The following MAP3K5 variants were observed in gnomAD, a reference collection of about 807,000 sequenced individuals.
The protein encoded by MAP3K5 is ASK-1.
MAP3K5 carries 56 observed loss-of-function variants against 158.7 expected under a neutral mutation model. That is an observed-to-expected ratio of 0.35 (90% CI 0.28 to 0.44). The LOEUF (loss-of-function observed/expected upper bound fraction) is 0.44. Among genes scored for constraint, MAP3K5 ranks in the 20% least tolerant of loss-of-function variants. MAP3K5 has a pLI of 1.00. For missense variants in MAP3K5, 1,294 were observed against 1,674.8 expected, an observed-to-expected ratio of 0.77 and a Z score of 3.97; for synonymous variants, 579 against 601.7, an observed-to-expected ratio of 0.96 and a Z score of 0.55.
chr6:136,565,306 T>C (rs1009856822), intron 26 of MAP3K5, among the ~76,000 whole-genome samples: 1 of 152,378 alleles, frequency 6.6e-6, no homozygotes, highest in East Asian at 1.9e-4. Flanking sequence ...CAAAAAAGTA[T>C]GGCAGGATCT....
chr6:136,702,354 A>C lies in MAP3K5; in HGVS notation c.612+2756T>G, dbSNP rs575477094. 2.6e-5 allele frequency among the ~76,000 whole-genome samples: 4 copies of C among 152,334 alleles called. No individual in the cohort carries two copies. In the South Asian group the frequency reaches 8.3e-4, roughly 32 times the overall value. ...TTGCCCAGAAAAGCACTTTTGCAAA[A>C]TAATGAAAACTAATAGCATGGGAAC... On this transcript the variant is annotated intron_variant, in intron 3 of 29. Transcript: ENST00000359015.
intron 28 of MAP3K5, among the ~76,000 whole-genome samples, chr6:136,559,592 T>C (rs1830414303): frequency 6.6e-6 from 1 of 152,266 alleles, no homozygotes; most frequent in African/African-American, 2.4e-5. Flanking sequence ...GTACTGCCTA[T>C]GCTTAATTTC....
At chr6:136,786,937 T>C (rs1405028481) in intron 1 of MAP3K5, among the ~76,000 whole-genome samples, 2 of 151,872 alleles carry the variant, frequency 1.3e-5, no homozygotes, top group African/African-American at 4.8e-5. Flanking sequence ...CCCGAGTAGC[T>C]GGGAATAAGT....
chr6:136,649,485 C>T (rs1000585712), intron 11 of MAP3K5, among the ~76,000 whole-genome samples: 3 of 152,172 alleles, frequency 2.0e-5, no homozygotes, highest in African/African-American at 7.2e-5. Context: ...ATGGATAAAT[C>T]TTCATAAAAA....
At chr6:136,768,336 T>C (rs1372768734) in intron 1 of MAP3K5, among the ~76,000 whole-genome samples, 1 of 152,126 alleles carries the variant, frequency 6.6e-6, no homozygotes, top group Non-Finnish European at 1.5e-5. Context: ...CCAGAATAGA[T>C]ACAGACTATT....
intron 11 of MAP3K5, among the ~76,000 whole-genome samples, chr6:136,644,697 T>C (rs993530713): frequency 7.2e-5 from 11 of 152,340 alleles, no homozygotes; most frequent in Admixed American, 2.6e-4. Context: ...TGTTTATGAA[T>C]GGTGAAACTG....
intron 12 of MAP3K5, among the ~76,000 whole-genome samples, 172 bp from the exon 13 acceptor site, chr6:136,639,810 T>C (rs1777834897): frequency 1.3e-5 from 2 of 152,194 alleles, no homozygotes; most frequent in East Asian, 3.8e-4. Context: ...ACTACTAAAA[T>C]GATTTACTCT....
In MAP3K5 at chr6:136,578,753, C is replaced by T. The variant is rs115164876; in HGVS notation, c.3517+1548G>A. 7.6e-3 allele frequency among the ~76,000 whole-genome samples: 1,158 copies of T among 152,130 alleles called. 16 individuals are homozygous for T. The highest frequency in any genetic ancestry group is 0.026 in the African/African-American group (1,097 of 41,494). ...CCAATGTTTGACATAAAGATTGACACGGATGCTCTCGCTCTCATGTCAAAC... is the reference window on the plus strand; with the variant it reads ...CCAATGTTTGACATAAAGATTGACATGGATGCTCTCGCTCTCATGTCAAAC... On this transcript the variant is annotated intron_variant, in intron 25 of 29. Coordinates refer to ENST00000359015, the MANE Select transcript of MAP3K5 (RefSeq NM_005923.4).
chr6:136,605,992 A>G (rs1181127514), intron 18 of MAP3K5, among the ~76,000 whole-genome samples: 1 of 152,226 alleles, frequency 6.6e-6, no homozygotes, highest in Non-Finnish European at 1.5e-5. Context: ...ATGGACTAAC[A>G]GGTTTAAGAG....
chr6:136,717,428 G>A (rs1374374854), intron 2 of MAP3K5, among the ~76,000 whole-genome samples: 2 of 152,138 alleles, frequency 1.3e-5, no homozygotes, highest in East Asian at 3.8e-4. Context: ...ACAAAGAGCA[G>A]CAGATTAAAA....
chr6:136,707,265 C>T (rs1255804335), intron 2 of MAP3K5, among the ~76,000 whole-genome samples: 5 of 152,160 alleles, frequency 3.3e-5, no homozygotes, highest in African/African-American at 9.7e-5. Context: ...TGTGTGTATA[C>T]GCACAATTGC....
intron 1 of MAP3K5, among the ~76,000 whole-genome samples, chr6:136,726,169 C>T (rs777279960): frequency 1.7e-4 from 26 of 152,236 alleles, no homozygotes; most frequent in Non-Finnish European, 2.9e-4. Flanking sequence ...TGCTTTCCTA[C>T]GTAAATTTGA....
In MAP3K5 at chr6:136,642,568, T is replaced by A; in HGVS notation, c.1790A>T (p.Lys597Ile). Residue 597 changes from lysine (K) to isoleucine (I), a missense_variant and splice_region_variant, in exon 12 of 30, where the codon AAA becomes ATA. Physicochemically the swap from Lys to Ile is moderately radical, Grantham distance 102. This residue lies in a region of MAP3K5 where 690 missense variants were observed against 870.5 expected (regional missense o/e 0.79). Transcript: ENST00000359015. ...SIWHVLPDDK[K>I]GIHEWNFSAS... ...ACTAAAATTCCACTCATGTATACCT[T>A]TCTAGAACAACAACAAGAAAATATA... The A allele has an allele frequency of 6.2e-6, 10 of 1,600,846 alleles. No individual in the cohort carries two copies. Among genetic ancestry groups the A allele is most frequent in the Non-Finnish European group, 8.6e-6 (10 of 1,169,190 alleles).
At chr6:136,781,516 T>C (rs538812219) in intron 1 of MAP3K5, among the ~76,000 whole-genome samples, 2 of 152,360 alleles carry the variant, frequency 1.3e-5, no homozygotes, top group African/African-American at 2.4e-5. Flanking sequence ...GGAACGGTAG[T>C]ATAGAGAACG....
At chr6:136,608,068 C>T (rs747562924) in intron 18 of MAP3K5, among the ~76,000 whole-genome samples, 4 of 152,046 alleles carry the variant, frequency 2.6e-5, no homozygotes, top group African/African-American at 7.2e-5. Context: ...GCTGGGGTAG[C>T]GGCAGGAGGA....
At chr6:136,718,554 C>T (rs1473603841) in intron 2 of MAP3K5, among the ~76,000 whole-genome samples, 2 of 152,102 alleles carry the variant, frequency 1.3e-5, no homozygotes, top group Non-Finnish European at 2.9e-5. Context: ...AGTGAATACT[C>T]AATAAGAAGC....
rs1439964314 is a variant in MAP3K5, at chr6:136,792,301, T to C, written c.-144A>G. ...CCCTCGCCGCCGCGCCGCCGCCTCC[T>C]CTCCGGCGCCCTCTCCCCCGAGGGC... On this transcript the variant is annotated 5_prime_UTR_variant, in exon 1 of 30. Coordinates refer to ENST00000359015, the MANE Select transcript of MAP3K5 (RefSeq NM_005923.4). This position sits in a 1 kb window ranked among gnomAD's most constrained non-coding sequence, Gnocchi z 5.7. The C allele has an allele frequency of 9.6e-6, 10 of 1,042,040 alleles. No individual in the cohort carries two copies. The highest frequency in any genetic ancestry group is 1.1e-5 in the Non-Finnish European group (10 of 876,318). The allele number at this position is 1,042,040 out of a possible 1,614,324, so 64.5% of individuals were successfully genotyped here.
chr6:136,686,374 G>A (rs549161470), intron 7 of MAP3K5, among the ~76,000 whole-genome samples: 4 of 152,256 alleles, frequency 2.6e-5, no homozygotes, highest in East Asian at 1.9e-4. Context: ...AGACAAGGAC[G>A]GCCTCTCTCA....
rs1057246235 is a variant in MAP3K5 at position 136,601,360 on chromosome 6, A to G, written c.2858-318T>C. ...TTTTTGGGTGTAATTATTCAGAAGT[A>G]TATACCCTAAGAGGCAACAGGTATT... On this transcript the variant is annotated intron_variant, in intron 20 of 29. Transcript: ENST00000359015. Among the ~76,000 whole-genome samples, 2 of 152,110 alleles carry G rather than the reference A, an allele frequency of 1.3e-5. 1 individual carries two copies. Among genetic ancestry groups the G allele is most frequent in the Non-Finnish European group, 2.9e-5 (2 of 68,026 alleles).
Sources: allele counts gnomAD v4.1 joint callset (sites outside exome capture counted in the v4.1 genomes callset), GRCh38; gene constraint gnomAD v4.1.1; regional missense constraint gnomAD v4.1.1; non-coding constraint Gnocchi (gnomAD v3.1); transcripts MANE v1.5; gene names NCBI Gene and HGNC (gene_info 2026-07-23, HGNC 2026-07-21).